The following RERE variants were observed in gnomAD, a reference collection of about 807,000 sequenced individuals.
RERE encodes the protein arginine-glutamic acid dipeptide repeats protein.
A neutral mutation model predicts 146.1 loss-of-function variants in RERE; 40 were observed. That is an observed-to-expected ratio of 0.27 (90% CI 0.21 to 0.36). The LOEUF is 0.36. Among genes scored for constraint, RERE ranks in the 10% least tolerant of loss-of-function variants. The probability of loss-of-function intolerance (pLI) is 1.00; values close to 1 mark genes in which losing one functional copy is unlikely to be tolerated. For synonymous variants in RERE, 1,003 were observed against 866.0 expected, an observed-to-expected ratio of 1.16 and a Z score of -2.78; for missense variants, 1,933 against 2,138.7, an observed-to-expected ratio of 0.90 and a Z score of 1.90.
chr1:8,525,722 A>G, intron 7 of RERE: 1 of 1,570,672 alleles, frequency 6.4e-7, no homozygotes, highest in South Asian at 1.2e-5. Context: ...AGCAAAACCC[A>G]TCACTGTTTC....
At chr1:8,706,668 A>C (rs1442068869) in intron 1 of RERE, among the ~76,000 whole-genome samples, 1 of 152,208 alleles carries the variant, frequency 6.6e-6, no homozygotes, top group Non-Finnish European at 1.5e-5. Flanking sequence ...AGGGGAGTTC[A>C]TTCTTACCTC....
chr1:8,814,709 A>G (rs372526622), intron 1 of RERE, among the ~76,000 whole-genome samples: 6 of 152,338 alleles, frequency 3.9e-5, no homozygotes, highest in African/African-American at 1.2e-4. Flanking sequence ...TAATGATACT[A>G]AAAACTTTTT....
At chr1:8,778,550 C>T (rs912544232) in intron 1 of RERE, among the ~76,000 whole-genome samples, 1 of 152,182 alleles carries the variant, frequency 6.6e-6, no homozygotes, top group Non-Finnish European at 1.5e-5. Context: ...TTCAGAAATA[C>T]AGTGGCTCGG....
chr1:8,362,833 T>C lies in RERE; in HGVS notation c.1752A>G (p.Leu584=). The change falls in exon 16 of 23, where the codon CTA becomes CTG. Residue 584 remains leucine (L), a synonymous_variant. Coordinates refer to ENST00000400908, the MANE Select transcript of RERE (RefSeq NM_001042681.2). ...CTGGCTGCTTCTTCCGACCACTGCG[T>C]AGTGTCGACATCTGCCCACCCAAAC... ...TRRSRGSMST[L]RSGRKKQPAS... 1 of 1,612,370 alleles carries C rather than the reference T, an allele frequency of 6.2e-7. No homozygotes were observed. Among genetic ancestry groups the C allele is most frequent in the Middle Eastern group, 1.8e-4 (1 of 5,668 alleles).
intron 11 of RERE, among the ~76,000 whole-genome samples, chr1:8,459,072 C>T (rs543604997): frequency 6.2e-4 from 94 of 152,246 alleles, no homozygotes; most frequent in African/African-American, 2.1e-3. Context: ...GTCTCATTTC[C>T]GAAAGGACTT....
chr1:8,747,818 C>A (rs184295842), intron 1 of RERE, among the ~76,000 whole-genome samples: 1 of 152,102 alleles, frequency 6.6e-6, no homozygotes, highest in African/African-American at 2.4e-5. Flanking sequence ...GTCGCCCGCG[C>A]TGGAGTACAA....
chr1:8,724,575 G>A (rs568567064), intron 1 of RERE, among the ~76,000 whole-genome samples: 19 of 152,180 alleles, frequency 1.2e-4, no homozygotes, highest in East Asian at 1.9e-4. Flanking sequence ...GGCCGGGCGC[G>A]GTGGCTCACG....
intron 1 of RERE, among the ~76,000 whole-genome samples, chr1:8,695,248 T>C (rs1404951082): frequency 6.6e-6 from 1 of 152,162 alleles, no homozygotes; most frequent in Non-Finnish European, 1.5e-5. Context: ...CCTTTTCCCA[T>C]ATATAAACAT....
At chr1:8,645,862 T>C (rs72639677) in intron 2 of RERE, among the ~76,000 whole-genome samples, 1 of 152,358 alleles carries the variant, frequency 6.6e-6, no homozygotes, top group Non-Finnish European at 1.5e-5. Context: ...TACGTGGAAT[T>C]TGAATAACTT....
intron 8 of RERE, among the ~76,000 whole-genome samples, chr1:8,503,699 T>G (rs981009175): frequency 6.6e-6 from 1 of 152,122 alleles, no homozygotes; most frequent in African/African-American, 2.4e-5. Context: ...ATAATAATAA[T>G]CTCATTAAAA....
chr1:8,632,733 C>A (rs1647049384), intron 2 of RERE, among the ~76,000 whole-genome samples: 1 of 152,214 alleles, frequency 6.6e-6, no homozygotes. Flanking sequence ...TCACAGGCAT[C>A]TTCTATTTCT....
chr1:8,725,832 T>A (rs2124479335), intron 1 of RERE, among the ~76,000 whole-genome samples: 1 of 152,274 alleles, frequency 6.6e-6, no homozygotes, highest in South Asian at 2.1e-4. Flanking sequence ...GTGATAGGCA[T>A]AATAGGCTCT....
intron 1 of RERE, among the ~76,000 whole-genome samples, chr1:8,707,389 T>C (rs1639579023): frequency 6.6e-6 from 1 of 152,242 alleles, no homozygotes; most frequent in South Asian, 2.1e-4. Flanking sequence ...CCCACATTAT[T>C]CCAGACCCTT....
intron 4 of RERE, among the ~76,000 whole-genome samples, chr1:8,602,187 G>A (rs556328693): frequency 3.3e-5 from 5 of 152,084 alleles, no homozygotes; most frequent in Non-Finnish European, 5.9e-5. Context: ...TCAAGCGATC[G>A]AGACCATCCT....
At chr1:8,649,203 A>C (rs1355263828) in intron 2 of RERE, among the ~76,000 whole-genome samples, 4 of 152,352 alleles carry the variant, frequency 2.6e-5, no homozygotes, top group South Asian at 4.1e-4. Context: ...CAGTCATCTC[A>C]AAACAGGAGT....
chr1:8,725,502 G>A (rs1357625167), intron 1 of RERE, among the ~76,000 whole-genome samples: 1 of 152,208 alleles, frequency 6.6e-6, no homozygotes, highest in African/African-American at 2.4e-5. Context: ...GGAGGCAGAG[G>A]TTGCAGTAAG....
chr1:8,414,956 AT>A (rs1451065726), intron 12 of RERE, among the ~76,000 whole-genome samples: 4 of 152,196 alleles, frequency 2.6e-5, no homozygotes, highest in African/African-American at 9.7e-5. Flanking sequence ...AATACTATTA[AT>A]TTTTACTCTA....
intron 1 of RERE, among the ~76,000 whole-genome samples, chr1:8,790,131 T>A (rs1005204837): frequency 2.0e-5 from 3 of 152,194 alleles, no homozygotes; most frequent in African/African-American, 7.2e-5. Flanking sequence ...GATGGAAAGA[T>A]GAGCCAGAGA....
chr1:8,627,153 T>G (rs979437417), intron 2 of RERE, among the ~76,000 whole-genome samples: 3 of 152,174 alleles, frequency 2.0e-5, no homozygotes, highest in African/African-American at 7.2e-5. Context: ...CCTCTGTAAC[T>G]AAATGGCAAC....
Sources: allele counts gnomAD v4.1 joint callset (sites outside exome capture counted in the v4.1 genomes callset), GRCh38; gene constraint gnomAD v4.1.1; transcripts MANE v1.5; gene names NCBI Gene and HGNC (gene_info 2026-07-23, HGNC 2026-07-21).